SLC35F1: variants seen among roughly 807,000 people sequenced by gnomAD.
SLC35F1 encodes solute carrier family 35 member F1, also known as chromosome 6 open reading frame 169.
Under a neutral mutation model 48.7 loss-of-function variants are expected in SLC35F1, and 14 were observed. The observed-to-expected ratio is 0.29, with a 90% CI of 0.19 to 0.45. The LOEUF (loss-of-function observed/expected upper bound fraction) is 0.45. SLC35F1 is among the 20% of genes least tolerant of loss of function. The pLI, the probability that SLC35F1 is intolerant of heterozygous loss-of-function variation, is 1.00. For synonymous variants in SLC35F1, 190 were observed against 202.2 expected, an observed-to-expected ratio of 0.94 and a Z score of 0.51; for missense variants, 404 against 500.0, an observed-to-expected ratio of 0.81 and a Z score of 1.83.
At chr6:118,200,142 G>A (rs921760054) in intron 2 of SLC35F1, among the ~76,000 whole-genome samples, 9 of 148,852 alleles carry the variant, frequency 6.0e-5, no homozygotes, top group South Asian at 2.1e-4. Flanking sequence ...TGCCAGTACC[G>A]CTGACATACA....
intron 1 of SLC35F1, among the ~76,000 whole-genome samples, chr6:118,127,518 T>C (rs1051134899): frequency 2.6e-5 from 4 of 152,042 alleles, no homozygotes; most frequent in Non-Finnish European, 5.9e-5. Flanking sequence ...GGAGGATTCC[T>C]ATCTGATCTT....
chr6:118,074,441 A>T (rs1015347040), intron 1 of SLC35F1, among the ~76,000 whole-genome samples: 2 of 152,054 alleles, frequency 1.3e-5, no homozygotes, highest in African/African-American at 4.8e-5. Context: ...GAGGTCACAC[A>T]TTTCACCTCT....
intron 3 of SLC35F1, among the ~76,000 whole-genome samples, chr6:118,236,146 C>G (rs990678845): frequency 1.3e-5 from 2 of 151,968 alleles, no homozygotes; most frequent in East Asian, 3.9e-4. Flanking sequence ...CAGGATTTTT[C>G]CTAAAGGGAC....
intron 1 of SLC35F1, among the ~76,000 whole-genome samples, chr6:118,051,876 G>A (rs72959856): frequency 0.18 from 27,854 of 152,092 alleles, 2,875 homozygotes; most frequent in Middle Eastern, 0.27. Flanking sequence ...TTATTTTGAT[G>A]CTTAATACAG....
intron 1 of SLC35F1, among the ~76,000 whole-genome samples, chr6:117,968,393 C>G (rs1776597927): frequency 6.6e-6 from 1 of 152,084 alleles, no homozygotes. Context: ...CAGGGAAGTT[C>G]AAGTGCAGGA....
chr6:118,098,513 G>C (rs1255782423), intron 1 of SLC35F1, among the ~76,000 whole-genome samples: 1 of 152,098 alleles, frequency 6.6e-6, no homozygotes, highest in East Asian at 1.9e-4. Context: ...CCCACCATGA[G>C]GATACCCACT....
At chr6:118,004,424 C>T (rs575665861) in intron 1 of SLC35F1, among the ~76,000 whole-genome samples, 2 of 152,242 alleles carry the variant, frequency 1.3e-5, no homozygotes, top group African/African-American at 4.8e-5. Flanking sequence ...TTGTCTGAAA[C>T]TTAAATCCTA....
intron 1 of SLC35F1, among the ~76,000 whole-genome samples, chr6:117,992,143 G>T (rs561027381): frequency 6.6e-6 from 1 of 151,130 alleles, no homozygotes; most frequent in South Asian, 2.1e-4. Context: ...TTTTTTTCTA[G>T]GTTTACAAAA....
chr6:118,038,075 C>A (rs1772160482), intron 1 of SLC35F1, among the ~76,000 whole-genome samples: 1 of 152,086 alleles, frequency 6.6e-6, no homozygotes. Context: ...AGCTATCTTG[C>A]AGCCATATAG....
At chr6:118,283,547 G>A (rs1288531098) in intron 6 of SLC35F1, among the ~76,000 whole-genome samples, 1 of 152,152 alleles carries the variant, frequency 6.6e-6, no homozygotes, top group Non-Finnish European at 1.5e-5. Flanking sequence ...TTCTAACCCA[G>A]TCATGGTATT....
intron 3 of SLC35F1, among the ~76,000 whole-genome samples, chr6:118,240,184 G>A (rs1775418998): frequency 6.6e-6 from 1 of 152,194 alleles, no homozygotes; most frequent in Non-Finnish European, 1.5e-5. Flanking sequence ...ACTTCTAAAG[G>A]AGATAAGAGA....
intron 1 of SLC35F1, among the ~76,000 whole-genome samples, chr6:118,036,881 T>C (rs1772140602): frequency 6.6e-6 from 1 of 152,200 alleles, no homozygotes; most frequent in African/African-American, 2.4e-5. Flanking sequence ...AAAATCAGGC[T>C]GTTCTATCAA....
intron 1 of SLC35F1, among the ~76,000 whole-genome samples, chr6:117,984,480 C>A (rs1354843038): frequency 4.1e-5 from 5 of 121,152 alleles, no homozygotes; most frequent in Admixed American, 2.1e-4. Flanking sequence ...GGCGACAGAG[C>A]AAGACTCGGT....
At chr6:118,001,716 A>G (rs993130643) in intron 1 of SLC35F1, among the ~76,000 whole-genome samples, 1 of 152,228 alleles carries the variant, frequency 6.6e-6, no homozygotes, top group Non-Finnish European at 1.5e-5. Flanking sequence ...CAAAGGGCTA[A>G]TATCCAGAAT....
chr6:117,934,769 A>T (rs1582572042), intron 1 of SLC35F1, among the ~76,000 whole-genome samples: 1 of 152,192 alleles, frequency 6.6e-6, no homozygotes, highest in Non-Finnish European at 1.5e-5. Context: ...CAACGGTAAG[A>T]TACAGAGTTC....
intron 1 of SLC35F1, among the ~76,000 whole-genome samples, chr6:117,969,759 T>C (rs1273392448): frequency 6.6e-6 from 1 of 152,110 alleles, no homozygotes; most frequent in African/African-American, 2.4e-5. Context: ...AAGAAAAACA[T>C]TTTTTACTTT....
chr6:118,134,804 A>C (rs1461388643), intron 1 of SLC35F1, among the ~76,000 whole-genome samples: 2 of 152,152 alleles, frequency 1.3e-5, no homozygotes, highest in Admixed American at 6.5e-5. Context: ...CGTTTTAGAG[A>C]TCTGCAGTCA....
intron 1 of SLC35F1, among the ~76,000 whole-genome samples, chr6:117,973,466 C>T (rs1776668429): frequency 6.6e-6 from 1 of 152,082 alleles, no homozygotes; most frequent in Non-Finnish European, 1.5e-5. Context: ...GACATTTTTC[C>T]TGAGAGCTGG....
intron 1 of SLC35F1, among the ~76,000 whole-genome samples, chr6:117,994,204 C>G (rs1232292870): frequency 6.6e-6 from 1 of 151,594 alleles, no homozygotes; most frequent in Admixed American, 6.6e-5. Context: ...ATCACATTGC[C>G]CCCCCCATCC....
Sources: allele counts gnomAD v4.1 joint callset (sites outside exome capture counted in the v4.1 genomes callset), GRCh38; gene constraint gnomAD v4.1.1; transcripts MANE v1.5; gene names NCBI Gene and HGNC (gene_info 2026-07-23, HGNC 2026-07-21).